The following SELENOI variants were observed in gnomAD, a reference collection of about 807,000 sequenced individuals.
SELENOI encodes the protein ethanolaminephosphotransferase 1.
Under a neutral mutation model 50.7 loss-of-function variants are expected in SELENOI, and 24 were observed. That is an observed-to-expected ratio of 0.47 (90% confidence interval 0.34 to 0.67). The LOEUF is 0.67. Among genes scored for constraint, SELENOI ranks in the 30% least tolerant of loss-of-function variants. SELENOI has a pLI of 0.01. For synonymous variants in SELENOI, 155 were observed against 170.2 expected (o/e 0.91, Z 0.70); for missense variants, 352 against 461.4 (o/e 0.76, Z 2.17).
At chr2:26,351,447 G>A (rs903132617) in intron 1 of SELENOI, among the ~76,000 whole-genome samples, 1 of 152,168 alleles carries the variant, frequency 6.6e-6, no homozygotes, top group African/African-American at 2.4e-5. Context: ...ACTTTCTACC[G>A]AATGCGTGTT....
At chr2:26,346,989 T>C (rs1031602337) in intron 1 of SELENOI, 3 of 152,224 alleles carry the variant, frequency 2.0e-5, no homozygotes, top group African/African-American at 7.2e-5. Context: ...GCAAAATGAT[T>C]AGAGGAATTT....
In SELENOI at chr2:26,389,277, A is replaced by C. The variant is rs1677912121; in HGVS notation, c.*174A>C. The stretch of plus-strand genomic sequence containing the variant: ...GGGAAATTTTGGACCTACTAACTCT[A>C]AGCCTATTTTATTTTTTATAAAACT... On this transcript the variant is annotated 3_prime_UTR_variant, in exon 10 of 10. Transcript: ENST00000260585. 3 of 541,916 alleles carry C rather than the reference A, an allele frequency of 5.5e-6. No individual in the cohort carries two copies. In the South Asian group the frequency reaches 8.6e-5, roughly 16 times the overall value. The allele number at this position is 541,916 out of a possible 1,614,324, so 33.6% of individuals were successfully genotyped here.
At chr2:26,387,695 CAAAAA>C (rs60220320) in intron 9 of SELENOI, among the ~76,000 whole-genome samples, 12 of 99,192 alleles carry the variant, frequency 1.2e-4, no homozygotes, top group Non-Finnish European at 1.9e-4. Flanking sequence ...GACCCTGTCT[CAAAAA>C]AAAAAAAAAA....
Position 26,373,392 on chromosome 2 carries a change from C to T in SELENOI, c.336C>T (p.Arg112=). The change falls in exon 5 of 10, where the codon CGC becomes CGT. Residue 112 remains arginine (R), a synonymous_variant. Coordinates refer to ENST00000260585, the MANE Select transcript of SELENOI (RefSeq NM_033505.4). ...TLDGVDGKQA[R]RTNSSTPLGE... ...ATGGTGTGGACGGAAAGCAAGCTCG[C>T]AGAACCAATTCTAGCACTCCCTTAG... The T allele has an allele frequency of 1.9e-6, 3 of 1,611,506 alleles. No homozygotes were observed. Among genetic ancestry groups the T allele is most frequent in the Non-Finnish European group, 2.5e-6 (3 of 1,178,602 alleles).
At position 26,374,526 on chromosome 2, in the gene SELENOI, C is replaced by T. The variant is rs1321210003; in HGVS notation, c.574-514C>T. ...GATGGCCAGTTGCTTGCATTGTCTA[C>T]AAGTTAGTTATTTTATAGCATTGTT... On this transcript the variant is annotated intron_variant, in intron 5 of 9. Transcript: ENST00000260585. Among the ~76,000 whole-genome samples, 6 of 151,030 alleles carry T rather than the reference C, an allele frequency of 4.0e-5. No homozygotes were observed. The East Asian group carries it at 1.2e-3, about 29-fold the overall frequency.
Position 26,392,033 on chromosome 2 carries a change from A to G in SELENOI, c.*2930A>G, listed in dbSNP as rs1434283941. 6.6e-6 allele frequency: 1 copy of G among 152,170 alleles called. No individual in the cohort carries two copies. Among genetic ancestry groups the G allele is most frequent in the Admixed American group, 6.5e-5 (1 of 15,284 alleles). 9.4% of individuals were successfully genotyped at this position (152,170 alleles called of 1,614,324 possible). A position where few individuals can be genotyped will look rare whatever the true frequency, so the allele number is the denominator to read the frequency against. On this transcript the variant is annotated 3_prime_UTR_variant, in exon 10 of 10. Transcript: ENST00000260585. ...CATTATTGAAATACTTTTAATTCTA[A>G]TTTTCAAAAGAAAGCTAAATGCTGA...
intron 8 of SELENOI, among the ~76,000 whole-genome samples, chr2:26,385,620 T>C (rs776322162): frequency 4.6e-5 from 7 of 152,214 alleles, no homozygotes; most frequent in African/African-American, 7.2e-5. Flanking sequence ...TTCCTTTCCA[T>C]GCTGGACTGT....
chr2:26,354,444 T>C (rs1372373927), intron 1 of SELENOI, among the ~76,000 whole-genome samples: 2 of 152,202 alleles, frequency 1.3e-5, no homozygotes, highest in Non-Finnish European at 2.9e-5. Flanking sequence ...TGGAGTGCAG[T>C]GGTGCGATCT....
At position 26,394,700 on chromosome 2, in the gene SELENOI, T is replaced by G. The variant is rs1160380641; in HGVS notation, c.*5597T>G. 1 of 152,100 alleles carries G rather than the reference T, an allele frequency of 6.6e-6. No individual in the cohort carries two copies. The highest frequency in any genetic ancestry group is 1.5e-5 in the Non-Finnish European group (1 of 68,012). The allele number at this position is 152,100 out of a possible 1,614,324, so 9.4% of individuals were successfully genotyped here. A position where few individuals can be genotyped will look rare whatever the true frequency, so the allele number is the denominator to read the frequency against. On this transcript the variant is annotated 3_prime_UTR_variant, in exon 10 of 10. Coordinates refer to ENST00000260585, the MANE Select transcript of SELENOI (RefSeq NM_033505.4). The surrounding 1 kb of genome is among the most constrained non-coding windows in gnomAD (Gnocchi z 4.1). Reference sequence around the variant, plus strand: ...GGGTAAAGGGAAAGGCAATGAATGATTGCCAACATGTAAACTCCCTGCTGC... The same window carrying G: ...GGGTAAAGGGAAAGGCAATGAATGAGTGCCAACATGTAAACTCCCTGCTGC...
intron 1 of SELENOI, chr2:26,346,493 C>A (rs193105841): frequency 2.1e-4 from 114 of 536,600 alleles, no homozygotes; most frequent in African/African-American, 1.9e-3. Context: ...TAGTCGGCAC[C>A]CCCCGGGAGA....
At chr2:26,378,052 G>A (rs563546929) in intron 6 of SELENOI, among the ~76,000 whole-genome samples, 1 of 151,586 alleles carries the variant, frequency 6.6e-6, no homozygotes, top group Admixed American at 6.6e-5. Flanking sequence ...GTTATTTTCA[G>A]CTTTTAGCTG....
intron 1 of SELENOI, among the ~76,000 whole-genome samples, chr2:26,349,529 C>T (rs1052505841): frequency 3.3e-5 from 5 of 152,104 alleles, no homozygotes; most frequent in Non-Finnish European, 7.4e-5. Flanking sequence ...TGGTCTCGAA[C>T]TCCTGACCTC....
In SELENOI at chr2:26,373,377, C is replaced by G; in HGVS notation, c.321C>G (p.Asp107Glu). 6.2e-7 allele frequency: 1 copy of G among 1,609,158 alleles called. No homozygotes were observed. The highest frequency in any genetic ancestry group is 8.5e-7 in the Non-Finnish European group (1 of 1,177,270). Residue 107 changes from aspartate to glutamate, a missense_variant, in exon 5 of 10, where the codon GAC (aspartate) becomes GAG (glutamate). Transcript: ENST00000260585. ...NFVAYTLDGV[D>E]GKQARRTNSS... The stretch of plus-strand genomic sequence containing the variant: ...TTGTTTTTGTTGCAGATGGTGTGGA[C>G]GGAAAGCAAGCTCGCAGAACCAATT...
chr2:26,358,064 G>A (rs1335000562), intron 1 of SELENOI, among the ~76,000 whole-genome samples: 1 of 152,074 alleles, frequency 6.6e-6, no homozygotes, highest in Non-Finnish European at 1.5e-5. Flanking sequence ...GGCCTCCTCA[G>A]CCACATGGAA....
intron 1 of SELENOI, among the ~76,000 whole-genome samples, chr2:26,360,050 A>G (rs551248763): frequency 1.6e-3 from 249 of 152,288 alleles, no homozygotes; most frequent in Non-Finnish European, 2.3e-3. Context: ...TGGATTATCT[A>G]CCTGGTTCAG....
chr2:26,375,581 T>C (rs578099522), intron 6 of SELENOI, among the ~76,000 whole-genome samples: 1 of 152,364 alleles, frequency 6.6e-6, no homozygotes, highest in Non-Finnish European at 1.5e-5. Flanking sequence ...GATATCCTCT[T>C]TCTTAACCCA....
At chr2:26,346,490 C>T (rs1192914030) in intron 1 of SELENOI, 2 of 550,466 alleles carry the variant, frequency 3.6e-6, no homozygotes, top group Non-Finnish European at 6.1e-6. Flanking sequence ...CCGTAGTCGG[C>T]ACCCCCCGGG....
At chr2:26,376,049 G>C (rs1295609442) in intron 6 of SELENOI, among the ~76,000 whole-genome samples, 1 of 148,632 alleles carries the variant, frequency 6.7e-6, no homozygotes, top group Non-Finnish European at 1.5e-5. Context: ...GATCGCATGT[G>C]CCACTGCACT....
intron 8 of SELENOI, 46 bp downstream of exon 8, chr2:26,385,185 A>G (rs753020826): frequency 3.4e-5 from 38 of 1,104,976 alleles, no homozygotes; most frequent in Non-Finnish European, 4.3e-5. Flanking sequence ...TTAGGATTGT[A>G]TGACAGAATT....
Sources: gnomAD v4.1 joint callset for allele counts (sites outside exome capture counted in the v4.1 genomes callset) on GRCh38, gnomAD v4.1.1 for gene constraint, Gnocchi (gnomAD v3.1) non-coding constraint, MANE v1.5 for transcripts, NCBI Gene and HGNC (gene_info 2026-07-23, HGNC 2026-07-21) for gene names.